Variants in LHX8 observed in about 807,000 individuals in gnomAD.
The protein encoded by LHX8 is LIM homeobox 8.
In LHX8, 12 loss-of-function variants were observed where a neutral mutation model predicts 40.3. That is an observed-to-expected ratio of 0.30 (90% CI 0.19 to 0.48). The LOEUF is 0.48. Among genes scored for constraint, LHX8 ranks in the 20% least tolerant of loss-of-function variants. LHX8 has a pLI of 0.99. For synonymous variants in LHX8, 179 were observed against 162.0 expected (o/e 1.10, Z -0.80); for missense variants, 344 against 433.7 (o/e 0.79, Z 1.84).
At chr1:75,131,380 C>T (rs1362952383), upstream of LHX8, 1 of 155,812 alleles carries the variant, frequency 6.4e-6, no homozygotes, top group Non-Finnish European at 1.4e-5. Flanking sequence ...ACTTTCCCTA[C>T]TTAAAGTTAT....
the LHX8 span, among the ~76,000 whole-genome samples, chr1:75,173,806 T>C: frequency 6.6e-6 from 1 of 152,326 alleles, no homozygotes; most frequent in African/African-American, 2.4e-5. Context: ...GATTGTCTGA[T>C]GAAATAACTC....
chr1:75,149,766 C>G (rs958308739), intron 7 of LHX8, among the ~76,000 whole-genome samples: 1 of 152,160 alleles, frequency 6.6e-6, no homozygotes, highest in Non-Finnish European at 1.5e-5. Context: ...AGGCTGGTCT[C>G]AAATTCCTAG....
At chr1:75,143,765 GAGATATA>G (rs752400391) in intron 5 of LHX8, 73 bp from the exon 6 acceptor site, 78 of 1,067,438 alleles carry the variant, frequency 7.3e-5, no homozygotes, top group Non-Finnish European at 1.1e-4. Flanking sequence ...AAAAAGCCAA[GAGATATA>G]AGAAACCTGT....
At chr1:75,145,818 A>G (rs1025545560) in intron 6 of LHX8, among the ~76,000 whole-genome samples, 1 of 152,132 alleles carries the variant, frequency 6.6e-6, no homozygotes, top group African/African-American at 2.4e-5. Flanking sequence ...TAAAATATTT[A>G]AGCCTTACAT....
At chr1:75,139,514 A>G (rs898382092) in intron 3 of LHX8, among the ~76,000 whole-genome samples, 5 of 152,172 alleles carry the variant, frequency 3.3e-5, no homozygotes, top group African/African-American at 1.2e-4. Context: ...GGAATTTTAA[A>G]GGAAGCCTGT....
At chr1:75,179,711 T>C in the LHX8 span, among the ~76,000 whole-genome samples, 1 of 152,174 alleles carries the variant, frequency 6.6e-6, no homozygotes, top group Admixed American at 6.5e-5. Flanking sequence ...TATTGTTATG[T>C]GTGAATTTGA....
chr1:75,185,447 G>T, the LHX8 span, among the ~76,000 whole-genome samples: 1 of 151,808 alleles, frequency 6.6e-6, no homozygotes, highest in South Asian at 2.1e-4. Flanking sequence ...ATTGGCCCAA[G>T]ATATGCAAAT....
chr1:75,165,413 A>C (rs971004057), downstream of LHX8, among the ~76,000 whole-genome samples: 5 of 152,186 alleles, frequency 3.3e-5, no homozygotes, highest in African/African-American at 9.6e-5. Flanking sequence ...TTCATAAGAA[A>C]TAGACTGCCA....
chr1:75,197,502 C>A, the LHX8 span, among the ~76,000 whole-genome samples: 2 of 152,118 alleles, frequency 1.3e-5, no homozygotes, highest in African/African-American at 4.8e-5. Flanking sequence ...TTATAGATGG[C>A]AAAATGATTT....
At chr1:75,175,604 C>A in the LHX8 span, among the ~76,000 whole-genome samples, 1 of 152,048 alleles carries the variant, frequency 6.6e-6, no homozygotes, top group African/African-American at 2.4e-5. Context: ...TGTATTTCTG[C>A]TTTTGAGAAT....
In LHX8 at chr1:75,148,573, G is replaced by A; in HGVS notation, c.685-14G>A. The A allele has an allele frequency of 1.9e-6, 3 of 1,600,226 alleles. No individual in the cohort carries two copies. The highest frequency in any genetic ancestry group is 2.6e-6 in the Non-Finnish European group (3 of 1,167,602). On this transcript the variant is annotated splice_polypyrimidine_tract_variant and intron_variant, in intron 6 of 8. Transcript: ENST00000356261. ...GTTTTTAGCTATTTACTACATACAT[G>A]TTTTAAACAACAGGTTATGCAAGCA...
chr1:75,137,902 T>G (rs1648199172), intron 3 of LHX8, among the ~76,000 whole-genome samples: 2 of 152,204 alleles, frequency 1.3e-5, no homozygotes, highest in African/African-American at 4.8e-5. Flanking sequence ...TTCAATATAT[T>G]CCTGCTCTTA....
At chr1:75,180,385 AT>A in the LHX8 span, among the ~76,000 whole-genome samples, 4 of 151,992 alleles carry the variant, frequency 2.6e-5, no homozygotes, top group Non-Finnish European at 1.5e-5. Context: ...GGCTTTGTTC[AT>A]TTCTTTTTAC....
chr1:75,151,363 T>C (rs17096312), intron 7 of LHX8, among the ~76,000 whole-genome samples: 4,002 of 152,254 alleles, frequency 0.026, 70 homozygotes, highest in South Asian at 0.086. Flanking sequence ...AAGAAGGGAC[T>C]AATAAGCAAT....
chr1:75,146,630 A>G (rs982827452), intron 6 of LHX8, among the ~76,000 whole-genome samples: 4 of 152,216 alleles, frequency 2.6e-5, no homozygotes, highest in Admixed American at 2.6e-4. Flanking sequence ...TTGGAAAAGG[A>G]GTGAAGTAGG....
chr1:75,179,699 A>G, the LHX8 span, among the ~76,000 whole-genome samples: 1 of 151,960 alleles, frequency 6.6e-6, no homozygotes, highest in Non-Finnish European at 1.5e-5. Context: ...ATTTAAGGTT[A>G]ATATTGTTAT....
At chr1:75,183,732 A>G in the LHX8 span, among the ~76,000 whole-genome samples, 1 of 152,216 alleles carries the variant, frequency 6.6e-6, no homozygotes, top group East Asian at 1.9e-4. Context: ...CCAGCATAAT[A>G]ACCACCTAAC....
chr1:75,151,813 TAG>T (rs1282608972), intron 7 of LHX8, among the ~76,000 whole-genome samples: 2 of 152,232 alleles, frequency 1.3e-5, no homozygotes, highest in Admixed American at 1.3e-4. Flanking sequence ...AGAGTTTTCT[TAG>T]AGCTTTTCAT....
intron 2 of LHX8, 62 bp from the exon 3 acceptor site, chr1:75,137,038 G>T: frequency 6.5e-7 from 1 of 1,533,728 alleles, no homozygotes; most frequent in Non-Finnish European, 8.8e-7. Context: ...GCCCTTGTGG[G>T]TAGGTGGGAT....
Sources: gnomAD v4.1 joint callset for allele counts (sites outside exome capture counted in the v4.1 genomes callset) on GRCh38, gnomAD v4.1.1 for gene constraint, MANE v1.5 for transcripts, NCBI Gene and HGNC (gene_info 2026-07-23, HGNC 2026-07-21) for gene names.